The following USF2 variants were observed in gnomAD, a reference collection of about 807,000 sequenced individuals.
The protein encoded by USF2 is upstream transcription factor 2, c-fos interacting.
A neutral mutation model predicts 46.9 loss-of-function variants in USF2; 16 were observed. The observed-to-expected ratio is 0.34, with a 90% CI of 0.23 to 0.52. USF2 has a LOEUF of 0.52. USF2 is among the 20% of genes least tolerant of loss of function. USF2 has a pLI of 0.96. For missense variants in USF2, 411 were observed against 474.0 expected (o/e 0.87, Z 1.23); for synonymous variants, 239 against 194.1 (o/e 1.23, Z -1.92).
At position 35,279,267 on chromosome 19, in the gene USF2, C is replaced by T. The variant is rs774201706; in HGVS notation, c.*11C>T. 6.6e-7 allele frequency: 1 copy of T among 1,507,474 alleles called. No individual in the cohort carries two copies. Among genetic ancestry groups the T allele is most frequent in the East Asian group, 2.5e-5 (1 of 40,720 alleles). The allele number at this position is 1,507,474 out of a possible 1,614,324, so 93.4% of individuals were successfully genotyped here. A position where few individuals can be genotyped will look rare whatever the true frequency, so the allele number is the denominator to read the frequency against. ...GGCACCCGGCAGTGACGCCCGCCAC[C>T]ACCACGCAGCCGCCGCCGCCCACGC... is the stretch of plus-strand genomic sequence containing the variant. On this transcript the variant is annotated 3_prime_UTR_variant, in exon 10 of 10. Transcript: ENST00000222305.
In USF2 at chr19:35,269,182, C is replaced by A. The variant is rs1436910578; in HGVS notation, c.62+19C>A. 1.0e-6 allele frequency: 1 copy of A among 999,550 alleles called. No individual in the cohort carries two copies. The highest frequency in any genetic ancestry group is 1.2e-6 in the Non-Finnish European group (1 of 843,346). 61.9% of individuals were successfully genotyped at this position (999,550 alleles called of 1,614,324 possible). ...CCGCCAGGTAAGATCCCCGGCCCGG[C>A]CGTGCCCCCGCGCCCCGGCCCCGGC... On this transcript the variant is annotated intron_variant, in intron 1 of 9. Coordinates refer to ENST00000222305, the MANE Select transcript of USF2 (RefSeq NM_003367.4).
intron 1 of USF2, 128 bp from the exon 2 acceptor site, chr19:35,269,317 GC>G: frequency 1.3e-5 from 12 of 898,976 alleles, no homozygotes; most frequent in Non-Finnish European, 1.5e-5. Flanking sequence ...CCCGCCCCCG[GC>G]CCCCGGCCTC....
In USF2 at chr19:35,279,149, C is replaced by T. The variant is rs773631988; in HGVS notation, c.952-18C>T. On this transcript the variant is annotated intron_variant, in intron 9 of 9. Transcript: ENST00000222305. ...GGCGCTGGCCCTCAGCTCCCTTGAC[C>T]TCCGTCGTGTCCGCCAGATCGAGGA... The T allele has an allele frequency of 1.9e-6, 3 of 1,611,222 alleles. No homozygotes were observed. Among genetic ancestry groups the T allele is most frequent in the Admixed American group, 3.4e-5 (2 of 59,592 alleles).
chr19:35,272,368 G>A (rs575723986), intron 7 of USF2, among the ~76,000 whole-genome samples: 30 of 152,230 alleles, frequency 2.0e-4, no homozygotes, highest in African/African-American at 7.2e-4. Context: ...AGGGCTCTTC[G>A]AGAGGTGACA....
At chr19:35,278,634 GT>G in intron 7 of USF2, 63 bp from the exon 8 acceptor site, 2 of 1,557,522 alleles carry the variant, frequency 1.3e-6, no homozygotes, top group Non-Finnish European at 1.8e-6. Flanking sequence ...CCTCTGCCCT[GT>G]GAGGACGGCC....
Position 35,270,721 on chromosome 19 carries a change from A to G in USF2, c.584A>G (p.Gln195Arg), listed in dbSNP as rs1353598373. The G allele has an allele frequency of 6.2e-7, 1 of 1,614,038 alleles. No individual in the cohort carries two copies. Among genetic ancestry groups the G allele is most frequent in the South Asian group, 1.1e-5 (1 of 91,084 alleles). The change falls in exon 6 of 10, where the codon CAG (glutamine) becomes CGG (arginine). Residue 195 changes from glutamine to arginine, a missense_variant. Around this residue, in one of 2 missense-constraint regions of USF2, gnomAD observed 318 missense variants for 322.4 expected, o/e 0.99. Coordinates refer to ENST00000222305, the MANE Select transcript of USF2 (RefSeq NM_003367.4). Reference sequence around the variant, plus strand: ...TAACCCCCCACTCTCCCTGCAGGCCAGTTCTACGTCATGATGACGCCCCAG... The same window carrying G: ...TAACCCCCCACTCTCCCTGCAGGCCGGTTCTACGTCATGATGACGCCCCAG... Reference protein sequence around the residue: ...TTDQSLQAGGQFYVMMTPQDV... With the variant: ...TTDQSLQAGGRFYVMMTPQDV...
Position 35,269,870 on chromosome 19 carries a change from T to C in USF2, c.296T>C (p.Val99Ala), listed in dbSNP as rs1330360660. ...GGCCAGGGCGACACAGCTGGCGCCGTCAGCGTCGTGTCCACCGCTGCCTTC... is the reference window on the plus strand; with the variant it reads ...GGCCAGGGCGACACAGCTGGCGCCGCCAGCGTCGTGTCCACCGCTGCCTTC... ...LDGQGDTAGA[V>A]SVVSTAAFAG... The change falls in exon 4 of 10, where the codon GTC becomes GCC. Residue 99 changes from valine to alanine, a missense_variant. Transcript: ENST00000222305. The C allele has an allele frequency of 3.5e-6, 5 of 1,421,252 alleles. No homozygotes were observed. The highest frequency in any genetic ancestry group is 1.5e-5 in the African/African-American group (1 of 65,888). 88.0% of individuals were successfully genotyped at this position (1,421,252 alleles called of 1,614,324 possible). A position where few individuals can be genotyped will look rare whatever the true frequency, so the allele number is the denominator to read the frequency against.
intron 7 of USF2, chr19:35,275,296 C>T (rs2066217584): frequency 1.3e-5 from 2 of 152,152 alleles, no homozygotes; most frequent in African/African-American, 4.8e-5. Context: ...ATCCACCTGC[C>T]TCAGCCTCCC....
intron 7 of USF2, among the ~76,000 whole-genome samples, 166 bp downstream of exon 7, chr19:35,271,307 G>A (rs2066153130): frequency 6.6e-6 from 1 of 152,208 alleles, no homozygotes; most frequent in South Asian, 2.1e-4. Context: ...AACGAGGGGA[G>A]AGTACAGTGT....
At chr19:35,276,152 A>G (rs10416869) in intron 7 of USF2, among the ~76,000 whole-genome samples, 7,098 of 145,096 alleles carry the variant, frequency 0.049, 525 homozygotes, top group African/African-American at 0.17. Flanking sequence ...GCTCACTACA[A>G]CCTCCACCTC....
intron 7 of USF2, among the ~76,000 whole-genome samples, 187 bp downstream of exon 7, chr19:35,271,328 G>C (rs190412382): frequency 6.6e-6 from 1 of 152,238 alleles, no homozygotes; most frequent in South Asian, 2.1e-4. Flanking sequence ...CAGAAGTAGA[G>C]GGACAGGGAG....
intron 7 of USF2, chr19:35,276,012 T>C (rs1210289278): frequency 6.6e-6 from 1 of 152,116 alleles, no homozygotes; most frequent in African/African-American, 2.4e-5. Flanking sequence ...CTCACTATAT[T>C]TGTGGATTTG....
chr19:35,271,663 T>G (rs2066158948), intron 7 of USF2, among the ~76,000 whole-genome samples: 1 of 152,232 alleles, frequency 6.6e-6, no homozygotes, highest in Non-Finnish European at 1.5e-5. Flanking sequence ...CTCAGGTCAT[T>G]TGGCCTTCAG....
chr19:35,270,163 AC>A, intron 4 of USF2, 160 bp downstream of exon 4: 1 of 992,736 alleles, frequency 1.0e-6, no homozygotes, highest in South Asian at 2.0e-5. Flanking sequence ...GCACCGTGAA[AC>A]CTGGGGACAG....
intron 6 of USF2, 27 bp downstream of exon 6, chr19:35,270,832 C>A (rs1470186973): frequency 1.2e-6 from 2 of 1,613,368 alleles, no homozygotes; most frequent in Non-Finnish European, 1.7e-6. Context: ...CCTGGAGGGC[C>A]TGGTGTTGAA....
chr19:35,270,054 C>T lies in USF2; in HGVS notation c.429+51C>T, dbSNP rs1270718108. The T allele has an allele frequency of 3.0e-6, 4 of 1,348,592 alleles. No homozygotes were observed. In the South Asian group the frequency reaches 7.5e-5, roughly 25 times the overall value. The allele number at this position is 1,348,592 out of a possible 1,614,324, so 83.5% of individuals were successfully genotyped here. A position where few individuals can be genotyped will look rare whatever the true frequency, so the allele number is the denominator to read the frequency against. ...GGGGGGGGAGGGAGTGGAGAGGGGA[C>T]ACTGGCTCTGCTCTTGGGGAGCCCC... On this transcript the variant is annotated intron_variant, in intron 4 of 9. Coordinates refer to ENST00000222305, the MANE Select transcript of USF2 (RefSeq NM_003367.4).
At chr19:35,270,280 C>T (rs535334880) in intron 4 of USF2, 167 bp from the exon 5 acceptor site, 9 of 1,097,758 alleles carry the variant, frequency 8.2e-6, no homozygotes, top group East Asian at 2.7e-5. Context: ...GCTGACCTCC[C>T]GCCATGTTCC....
At position 35,269,656 on chromosome 19, in the gene USF2, A is replaced by T; in HGVS notation, c.185A>T (p.His62Leu). 2 of 1,526,880 alleles carry T rather than the reference A, an allele frequency of 1.3e-6. No homozygotes were observed. The highest frequency in any genetic ancestry group is 1.8e-6 in the Non-Finnish European group (2 of 1,131,000). 94.6% of individuals were successfully genotyped at this position (1,526,880 alleles called of 1,614,324 possible). A position where few individuals can be genotyped will look rare whatever the true frequency, so the allele number is the denominator to read the frequency against. The change falls in exon 3 of 10, where the codon CAC (histidine) becomes CTC (leucine). Residue 62 changes from histidine to leucine, a missense_variant. Transcript: ENST00000222305. ...GTCCAGCAGGCGGCGTTCGGCGACC[A>T]CAACATCCAGTACCAGTTCCGCACA... ...TSVQQAAFGD[H>L]NIQYQFRTET...
At chr19:35,274,899 G>A (rs997128390) in intron 7 of USF2, among the ~76,000 whole-genome samples, 3 of 152,214 alleles carry the variant, frequency 2.0e-5, no homozygotes, top group African/African-American at 7.2e-5. Context: ...TTGCTGCCCT[G>A]TCAGAATCTA....
Sources: gnomAD v4.1 joint callset for allele counts (sites outside exome capture counted in the v4.1 genomes callset) on GRCh38, gnomAD v4.1.1 for gene constraint, gnomAD v4.1.1 regional missense constraint, MANE v1.5 for transcripts, NCBI Gene and HGNC (gene_info 2026-07-23, HGNC 2026-07-21) for gene names.